The following LRRC36 variants were observed in gnomAD, a reference collection of about 807,000 sequenced individuals.
LRRC36 encodes leucine rich repeat containing 36, also known as leucine-rich repeat-containing protein 36.
In LRRC36, 62 loss-of-function variants were observed where a neutral mutation model predicts 81.1. The observed-to-expected ratio is 0.76, with a 90% CI of 0.62 to 0.94. The LOEUF (loss-of-function observed/expected upper bound fraction) is 0.94, where lower values mean the gene tolerates loss of function less well. Among genes scored for constraint, LRRC36 ranks in the 40% least tolerant of loss-of-function variants. The pLI, the probability that LRRC36 is intolerant of heterozygous loss-of-function variation, is 0.00. For missense variants in LRRC36, 761 were observed against 881.7 expected, an observed-to-expected ratio of 0.86 and a Z score of 1.73; for synonymous variants, 334 against 348.6, an observed-to-expected ratio of 0.96 and a Z score of 0.47.
intron 13 of LRRC36, among the ~76,000 whole-genome samples, chr16:67,383,917 A>G (rs1473447152): frequency 1.3e-5 from 2 of 152,178 alleles, no homozygotes; most frequent in Non-Finnish European, 2.9e-5. Context: ...TTGCTTTAAC[A>G]TTTCATCTTG....
intron 6 of LRRC36, among the ~76,000 whole-genome samples, chr16:67,364,025 A>T (rs904039641): frequency 6.6e-6 from 1 of 152,116 alleles, no homozygotes; most frequent in Non-Finnish European, 1.5e-5. Context: ...GCTGGTTTTA[A>T]ATTTTCTCCC....
Position 67,347,337 on chromosome 16 carries a change from C to T in LRRC36, c.392-158C>T. The T allele has an allele frequency of 2.9e-6, 4 of 1,398,808 alleles. No homozygotes were observed. In the South Asian group the frequency reaches 4.0e-5, roughly 14 times the overall value. The allele number at this position is 1,398,808 out of a possible 1,614,324, so 86.6% of individuals were successfully genotyped here. ...AGTCTCCCTGAGTTCCTGCCTGCTC[C>T]AGTGACAACATAATAGCATTATTTT... is the stretch of plus-strand genomic sequence containing the variant. On this transcript the variant is annotated intron_variant, in intron 3 of 13. Coordinates refer to ENST00000329956, the MANE Select transcript of LRRC36 (RefSeq NM_018296.6).
At chr16:67,353,673 G>T (rs2038762910) in intron 5 of LRRC36, among the ~76,000 whole-genome samples, 1 of 152,070 alleles carries the variant, frequency 6.6e-6, no homozygotes. Context: ...AGCACGTCCA[G>T]CCCCTTTCCA....
intron 5 of LRRC36, among the ~76,000 whole-genome samples, chr16:67,355,523 CG>C (rs1273429683): frequency 6.6e-6 from 1 of 150,900 alleles, no homozygotes; most frequent in African/African-American, 2.4e-5. Context: ...TACAGGCGCC[CG>C]CCACTACGCC....
At chr16:67,360,430 C>A (rs1234118780) in intron 5 of LRRC36, among the ~76,000 whole-genome samples, 2 of 152,146 alleles carry the variant, frequency 1.3e-5, no homozygotes, top group African/African-American at 4.8e-5. Context: ...GTCTTGAACA[C>A]CTGCGAAGTC....
At chr16:67,360,897 GA>G (rs1210779968) in intron 5 of LRRC36, among the ~76,000 whole-genome samples, 7 of 151,976 alleles carry the variant, frequency 4.6e-5, no homozygotes, top group Admixed American at 3.3e-4. Context: ...AATCCTGCTG[GA>G]AAAAAATTCC....
intron 1 of LRRC36, among the ~76,000 whole-genome samples, chr16:67,341,050 ACT>A (rs1567470353): frequency 1.2e-4 from 14 of 120,838 alleles, no homozygotes; most frequent in African/African-American, 3.8e-4. Flanking sequence ...TAGAATATGT[ACT>A]CTACATATTC....
At chr16:67,327,122 T>C in intron 1 of LRRC36, 190 bp downstream of exon 1, 1 of 504,110 alleles carries the variant, frequency 2.0e-6, no homozygotes, top group Non-Finnish European at 3.3e-6. Flanking sequence ...GGAACTGAAG[T>C]AACGGGAGGG....
At chr16:67,362,691 A>G (rs189058743) in intron 5 of LRRC36, among the ~76,000 whole-genome samples, 1 of 152,334 alleles carries the variant, frequency 6.6e-6, no homozygotes, top group East Asian at 1.9e-4. Context: ...TGTAAAAAAT[A>G]CATTGGGAGA....
rs533223613 is a variant in LRRC36, at chr16:67,341,303, A to ACTATAGACTATATATAGTCTATAGACAGT, written c.71-642_71-641insTATAGTCTATAGACAGTCTATAGACTATA. ...TCTATAGTCTATAGACAGTCTATAG[A>ACTATAGACTATATATAGTCTATAGACAGT]CTATAGACTATAGACTATATATAGT... On this transcript the variant is annotated intron_variant, in intron 1 of 13. Coordinates refer to ENST00000329956, the MANE Select transcript of LRRC36 (RefSeq NM_018296.6). 2.5e-3 allele frequency among the ~76,000 whole-genome samples: 258 copies of ACTATAGACTATATATAGTCTATAGACAGT among 104,936 alleles called. 4 individuals are homozygous for ACTATAGACTATATATAGTCTATAGACAGT. The African/African-American group carries it at 0.025, about 10-fold the overall frequency. The allele number at this position is 104,936 out of a possible 152,430, so 68.8% of individuals were successfully genotyped here. A position where few individuals can be genotyped will look rare whatever the true frequency, so the allele number is the denominator to read the frequency against.
At chr16:67,367,981 C>G (rs2039476743) in intron 8 of LRRC36, among the ~76,000 whole-genome samples, 1 of 152,196 alleles carries the variant, frequency 6.6e-6, no homozygotes, top group Non-Finnish European at 1.5e-5. Context: ...ATTGCTTGAA[C>G]CTGGGAGGCA....
At chr16:67,381,437 A>G (rs181034207) in intron 12 of LRRC36, among the ~76,000 whole-genome samples, 5 of 152,256 alleles carry the variant, frequency 3.3e-5, no homozygotes, top group South Asian at 2.1e-4. Flanking sequence ...ATGTTTTCAC[A>G]TACTACGTAG....
At position 67,375,304 on chromosome 16, in the gene LRRC36, A is replaced by G. The variant is rs752599813; in HGVS notation, c.1552A>G (p.Ile518Val). The G allele has an allele frequency of 6.2e-7, 1 of 1,605,254 alleles. No homozygotes were observed. The highest frequency in any genetic ancestry group is 8.5e-7 in the Non-Finnish European group (1 of 1,177,334). Residue 518 changes from isoleucine (I) to valine (V), a missense_variant, in exon 10 of 14, where the codon ATC becomes GTC. Around this residue, in one of 3 missense-constraint regions of LRRC36, gnomAD observed 359 missense variants for 388.4 expected, o/e 0.92. Transcript: ENST00000329956. ...HGLAGNHSPP[I>V]SARTPHVATV... ...TTTGGCTGGAAACCACAGTCCCCCC[A>G]TCTCTGCCAGAACCCCCCATGTGGC...
At position 67,385,138 on chromosome 16, in the gene LRRC36, C is replaced by T; in HGVS notation, c.*49C>T. The T allele has an allele frequency of 7.0e-7, 1 of 1,422,310 alleles. No homozygotes were observed. The highest frequency in any genetic ancestry group is 9.9e-7 in the Non-Finnish European group (1 of 1,012,288). The allele number at this position is 1,422,310 out of a possible 1,614,324, so 88.1% of individuals were successfully genotyped here. A position where few individuals can be genotyped will look rare whatever the true frequency, so the allele number is the denominator to read the frequency against. ...AGCTTCCCTGGTCCACAGAGGCTCTCACCGCCATTGCCACCAGTATGGTGG... is the reference window on the plus strand; with the variant it reads ...AGCTTCCCTGGTCCACAGAGGCTCTTACCGCCATTGCCACCAGTATGGTGG... On this transcript the variant is annotated 3_prime_UTR_variant, in exon 14 of 14. Transcript: ENST00000329956.
chr16:67,375,340 A>G lies in LRRC36; in HGVS notation c.1588A>G (p.Arg530Gly), dbSNP rs756462162. The change falls in exon 10 of 14, where the codon AGA becomes GGA. Residue 530 changes from arginine (R) to glycine (G), a missense_variant. This residue lies in a region of LRRC36 where 359 missense variants were observed against 388.4 expected (regional missense o/e 0.92). Coordinates refer to ENST00000329956, the MANE Select transcript of LRRC36 (RefSeq NM_018296.6). Reference protein sequence around the residue: ...ARTPHVATVLRQLLELVDKHW... With the variant: ...ARTPHVATVLGQLLELVDKHW... ...AACCCCCCATGTGGCCACTGTCCTC[A>G]GACAGCTCCTGGAGCTTGTGGATAA... 1 of 1,610,830 alleles carries G rather than the reference A, an allele frequency of 6.2e-7. No individual in the cohort carries two copies. The highest frequency in any genetic ancestry group is 8.5e-7 in the Non-Finnish European group (1 of 1,179,232).
rs1214174889 is a variant in LRRC36, at chr16:67,367,092, C to CT, written c.836dup (p.Leu279PhefsTer4). The stretch of plus-strand genomic sequence containing the variant: ...ATGACTAGAGAAGGGTACCAAGTAT[C>CT]TTTTTTGGACAATAAGTCTTCAGGT... On this transcript the variant is annotated frameshift_variant, in exon 8 of 14. Coordinates refer to ENST00000329956, the MANE Select transcript of LRRC36 (RefSeq NM_018296.6). LOFTEE classifies it high-confidence loss of function. 9.9e-6 allele frequency: 16 copies of CT among 1,613,986 alleles called. No homozygotes were observed. Among genetic ancestry groups the CT allele is most frequent in the Non-Finnish European group, 1.4e-5 (16 of 1,180,024 alleles).
At chr16:67,370,065 A>G (rs2039569721) in intron 8 of LRRC36, among the ~76,000 whole-genome samples, 1 of 152,222 alleles carries the variant, frequency 6.6e-6, no homozygotes, top group African/African-American at 2.4e-5. Context: ...GACCGTTACA[A>G]GAAAATGGAA....
At chr16:67,383,378 A>T (rs1269954144) in intron 13 of LRRC36, among the ~76,000 whole-genome samples, 1 of 152,248 alleles carries the variant, frequency 6.6e-6, no homozygotes, top group Non-Finnish European at 1.5e-5. Context: ...TTACAAAAGT[A>T]AAGAGGATAG....
intron 9 of LRRC36, 84 bp from the exon 10 acceptor site, chr16:67,375,163 A>G (rs2039834012): frequency 1.4e-6 from 2 of 1,470,562 alleles, no homozygotes; most frequent in South Asian, 1.2e-5. Context: ...CTCAATGTCT[A>G]AATTCTTACT....
Sources: gnomAD v4.1 joint callset for allele counts (sites outside exome capture counted in the v4.1 genomes callset) on GRCh38, gnomAD v4.1.1 for gene constraint, gnomAD v4.1.1 regional missense constraint, MANE v1.5 for transcripts, NCBI Gene and HGNC (gene_info 2026-07-23, HGNC 2026-07-21) for gene names.